THSD7B: variants seen among roughly 807,000 people sequenced by gnomAD.
THSD7B encodes thrombospondin type-1 domain-containing protein 7B.
In THSD7B, 138 loss-of-function variants were observed where a neutral mutation model predicts 213.6. The ratio of observed to expected loss-of-function variants is 0.65; its 90% CI spans 0.56 to 0.74. The LOEUF (loss-of-function observed/expected upper bound fraction) is 0.74. Among genes scored for constraint, THSD7B ranks in the 30% least tolerant of loss-of-function variants. The pLI, the probability that THSD7B is intolerant of heterozygous loss-of-function variation, is 0.00. For missense variants in THSD7B, 1,931 were observed against 1,991.5 expected, an observed-to-expected ratio of 0.97 and a Z score of 0.58; for synonymous variants, 742 against 687.0, an observed-to-expected ratio of 1.08 and a Z score of -1.25.
intron 1 of THSD7B, among the ~76,000 whole-genome samples, chr2:136,840,409 G>T (rs1366006914): frequency 6.6e-6 from 1 of 152,034 alleles, no homozygotes; most frequent in Non-Finnish European, 1.5e-5. Context: ...AGAATATTGA[G>T]AAAGAAATCG....
At chr2:137,226,258 G>A (rs187870658) in intron 7 of THSD7B, among the ~76,000 whole-genome samples, 1 of 151,866 alleles carries the variant, frequency 6.6e-6, no homozygotes, top group East Asian at 1.9e-4. Flanking sequence ...ATTTTTGGAC[G>A]AGTAAGGTAG....
At chr2:137,531,530 T>C (rs187817314) in intron 15 of THSD7B, among the ~76,000 whole-genome samples, 6 of 152,074 alleles carry the variant, frequency 3.9e-5, no homozygotes, top group Admixed American at 3.3e-4. Flanking sequence ...TCTTCTGCTC[T>C]AGAGTTTTTT....
chr2:137,143,783 C>T (rs942684246), intron 5 of THSD7B, among the ~76,000 whole-genome samples: 26 of 152,178 alleles, frequency 1.7e-4, no homozygotes, highest in African/African-American at 6.0e-4. Context: ...TAATAAACTG[C>T]ACTGGTTAAT....
intron 15 of THSD7B, among the ~76,000 whole-genome samples, chr2:137,468,016 T>C (rs772054877): frequency 6.6e-6 from 1 of 152,226 alleles, no homozygotes; most frequent in African/African-American, 2.4e-5. Context: ...TAATGAGTGC[T>C]CATAAGAATG....
chr2:137,373,264 A>T (rs1356521344), intron 12 of THSD7B, among the ~76,000 whole-genome samples: 1 of 152,164 alleles, frequency 6.6e-6, no homozygotes, highest in Non-Finnish European at 1.5e-5. Flanking sequence ...ATCCCTGAGG[A>T]ATCACCACAC....
At chr2:136,853,150 G>A (rs1177731834) in intron 1 of THSD7B, among the ~76,000 whole-genome samples, 1 of 151,916 alleles carries the variant, frequency 6.6e-6, no homozygotes, top group East Asian at 1.9e-4. Context: ...CCACTGTACA[G>A]CCCTCTGTTC....
intron 2 of THSD7B, among the ~76,000 whole-genome samples, chr2:137,044,909 C>G (rs1686943306): frequency 6.6e-6 from 1 of 152,164 alleles, no homozygotes; most frequent in African/African-American, 2.4e-5. Context: ...CTTGGTGTCA[C>G]TTGTTTCAGG....
intron 1 of THSD7B, among the ~76,000 whole-genome samples, chr2:136,834,510 G>T (rs1682814063): frequency 6.6e-6 from 1 of 151,880 alleles, no homozygotes; most frequent in Admixed American, 6.6e-5. Flanking sequence ...TGTTTCCCAA[G>T]GAAAGCCATG....
intron 12 of THSD7B, among the ~76,000 whole-genome samples, chr2:137,316,227 C>A (rs944283231): frequency 6.6e-6 from 1 of 152,212 alleles, no homozygotes; most frequent in Non-Finnish European, 1.5e-5. Context: ...CAACCGATAC[C>A]TTCAAAATGA....
chr2:136,802,641 A>T lies in THSD7B; in HGVS notation c.-36+36954A>T, dbSNP rs1256832653. 5.1e-5 allele frequency among the ~76,000 whole-genome samples: 3 copies of T among 58,376 alleles called. No individual in the cohort carries two copies. In the South Asian group the frequency reaches 2.2e-3, roughly 43 times the overall value. 38.3% of individuals were successfully genotyped at this position (58,376 alleles called of 152,430 possible). ...TAAAAATAATTTATGAATTAAGTTT[A>T]TATATATATATATATATATATATAT... On this transcript the variant is annotated intron_variant, in intron 1 of 27. Transcript: ENST00000409968.
intron 5 of THSD7B, among the ~76,000 whole-genome samples, chr2:137,152,257 T>C (rs1424608827): frequency 6.6e-6 from 1 of 152,128 alleles, no homozygotes; most frequent in Non-Finnish European, 1.5e-5. Flanking sequence ...TTTCCTAAGG[T>C]TTAGCTTGTA....
chr2:137,600,926 TG>T (rs1682065400), intron 17 of THSD7B, among the ~76,000 whole-genome samples: 1 of 152,078 alleles, frequency 6.6e-6, no homozygotes, highest in Non-Finnish European at 1.5e-5. Context: ...CCGGACCCTG[TG>T]TGGCCTAAGC....
At chr2:137,133,286 G>C (rs187272232) in intron 5 of THSD7B, among the ~76,000 whole-genome samples, 1 of 152,170 alleles carries the variant, frequency 6.6e-6, no homozygotes, top group African/African-American at 2.4e-5. Flanking sequence ...GTTTGTTTGC[G>C]TGAGGGTGGA....
chr2:137,088,451 C>T (rs535815975), intron 3 of THSD7B, among the ~76,000 whole-genome samples: 1 of 151,852 alleles, frequency 6.6e-6, no homozygotes, highest in Non-Finnish European at 1.5e-5. Flanking sequence ...ACTGGATCCT[C>T]ATCTCTCACC....
intron 14 of THSD7B, among the ~76,000 whole-genome samples, chr2:137,419,105 A>G (rs1032077665): frequency 2.0e-5 from 3 of 151,662 alleles, no homozygotes; most frequent in Non-Finnish European, 2.9e-5. Context: ...ATGGGTTTTC[A>G]CCATGTTGCC....
At chr2:137,447,347 A>G (rs1237498875) in intron 14 of THSD7B, among the ~76,000 whole-genome samples, 1 of 152,140 alleles carries the variant, frequency 6.6e-6, no homozygotes. Flanking sequence ...ACATTCAAAC[A>G]TTTAAAGTTT....
intron 12 of THSD7B, among the ~76,000 whole-genome samples, chr2:137,404,466 T>TACACACACAC (rs1267898611): frequency 1.6e-4 from 12 of 73,970 alleles, no homozygotes; most frequent in Non-Finnish European, 3.0e-4. Context: ...TATATATATA[T>TACACACACAC]ATATATATAC....
chr2:137,455,366 A>G (rs1178547484), intron 15 of THSD7B, among the ~76,000 whole-genome samples: 1 of 152,158 alleles, frequency 6.6e-6, no homozygotes, highest in African/African-American at 2.4e-5. Flanking sequence ...CCAAATTATC[A>G]TTGCCCAAAA....
rs575677258 is a variant in THSD7B at position 137,072,634 on chromosome 2, C to T, written c.950+15404C>T. Among the ~76,000 whole-genome samples the T allele has an allele frequency of 1.1e-4, 17 of 152,244 alleles. 1 individual carries two copies. In the South Asian group the frequency reaches 3.1e-3, roughly 28 times the overall value. ...TAATTGCCCTGGCCAGAACTTCCAACACTGTGTTGAATAGGAGTGGTGAGA... is the reference window on the plus strand; with the variant it reads ...TAATTGCCCTGGCCAGAACTTCCAATACTGTGTTGAATAGGAGTGGTGAGA... On this transcript the variant is annotated intron_variant, in intron 3 of 27. Coordinates refer to ENST00000409968, the MANE Select transcript of THSD7B (RefSeq NM_001316349.2).
Sources: gnomAD v4.1 joint callset for allele counts (sites outside exome capture counted in the v4.1 genomes callset) on GRCh38, gnomAD v4.1.1 for gene constraint, MANE v1.5 for transcripts, NCBI Gene and HGNC (gene_info 2026-07-23, HGNC 2026-07-21) for gene names.